DLGAP2: variants seen among roughly 807,000 people sequenced by gnomAD.
DLGAP2 encodes DLG associated protein 2.
In DLGAP2, 26 loss-of-function variants were observed where a neutral mutation model predicts 100.3. The observed-to-expected ratio is 0.26, with a 90% CI of 0.19 to 0.36. The LOEUF (loss-of-function observed/expected upper bound fraction) is 0.36, where lower values mean the gene tolerates loss of function less well. DLGAP2 is among the 10% of genes least tolerant of loss of function. The pLI is 1.00. For missense variants in DLGAP2, 1,858 were observed against 1,453.2 expected (o/e 1.28, Z -4.53); for synonymous variants, 886 against 630.1 (o/e 1.41, Z -6.08).
At chr8:1,597,653 G>C (rs1796501788) in intron 6 of DLGAP2, among the ~76,000 whole-genome samples, 1 of 152,122 alleles carries the variant, frequency 6.6e-6, no homozygotes, top group Non-Finnish European at 1.5e-5. Context: ...GTTCACTCAT[G>C]ATTTGGCTCT....
intron 2 of DLGAP2, among the ~76,000 whole-genome samples, chr8:1,229,250 A>G (rs563086252): frequency 4.6e-5 from 7 of 152,238 alleles, no homozygotes; most frequent in African/African-American, 1.7e-4. Flanking sequence ...TTTCATAGAA[A>G]GAGGAGTTCT....
intron 3 of DLGAP2, among the ~76,000 whole-genome samples, chr8:1,389,164 A>G (rs1334389987): frequency 6.6e-6 from 1 of 152,138 alleles, no homozygotes; most frequent in Non-Finnish European, 1.5e-5. Flanking sequence ...GTGGAAGTGC[A>G]GGGCCTCTTC....
chr8:1,318,778 G>GCCCCCCCCCCCCCC (rs34614425), intron 3 of DLGAP2, among the ~76,000 whole-genome samples: 2 of 105,614 alleles, frequency 1.9e-5, no homozygotes, highest in Non-Finnish European at 3.7e-5. Context: ...TCAGTGATCA[G>GCCCCCCCCCCCCCC]CCCCCCCCCC....
At chr8:1,360,515 T>G (rs965040869) in intron 3 of DLGAP2, among the ~76,000 whole-genome samples, 21 of 152,232 alleles carry the variant, frequency 1.4e-4, no homozygotes, top group East Asian at 3.9e-4. Flanking sequence ...GGGTTGGTTG[T>G]TTGCCCTCGA....
chr8:1,538,862 G>C (rs184978141), intron 4 of DLGAP2, among the ~76,000 whole-genome samples: 1 of 149,850 alleles, frequency 6.7e-6, no homozygotes, highest in Admixed American at 6.7e-5. Context: ...ACAGCCCCTC[G>C]TGTCATGACA....
intron 1 of DLGAP2, among the ~76,000 whole-genome samples, chr8:906,643 A>G (rs1798386605): frequency 6.6e-6 from 1 of 152,082 alleles, no homozygotes; most frequent in South Asian, 2.1e-4. Context: ...AAAAATACCG[A>G]CAGCTTCCAC....
At chr8:1,218,860 C>G (rs2116806694) in intron 2 of DLGAP2, among the ~76,000 whole-genome samples, 1 of 152,112 alleles carries the variant, frequency 6.6e-6, no homozygotes, top group Non-Finnish European at 1.5e-5. Flanking sequence ...TAGCTGTATT[C>G]CTAGGAATTT....
At chr8:1,645,623 A>C (rs1273359340) in intron 8 of DLGAP2, among the ~76,000 whole-genome samples, 1 of 152,250 alleles carries the variant, frequency 6.6e-6, no homozygotes, top group East Asian at 1.9e-4. Flanking sequence ...ATGAAGTCCT[A>C]TAGATACATT....
At chr8:1,344,314 A>T (rs968057873) in intron 3 of DLGAP2, among the ~76,000 whole-genome samples, 28 of 152,250 alleles carry the variant, frequency 1.8e-4, no homozygotes, top group African/African-American at 6.5e-4. Context: ...TGCAGACAAC[A>T]GCCTTCAGGG....
chr8:1,150,464 C>G (rs987809037), intron 2 of DLGAP2, among the ~76,000 whole-genome samples: 3 of 152,218 alleles, frequency 2.0e-5, no homozygotes, highest in African/African-American at 4.8e-5. Flanking sequence ...CTGTGTAGAG[C>G]TGAAGGCTGA....
chr8:1,641,952 A>C (rs961404360), intron 8 of DLGAP2, among the ~76,000 whole-genome samples: 2 of 98,966 alleles, frequency 2.0e-5, no homozygotes, highest in African/African-American at 5.7e-5. Context: ...GCCGGTCCTC[A>C]CCTGTGTCAC....
chr8:1,523,398 C>T (rs970894386), intron 4 of DLGAP2, among the ~76,000 whole-genome samples: 3 of 152,196 alleles, frequency 2.0e-5, no homozygotes, highest in African/African-American at 7.2e-5. Flanking sequence ...GGCCTCACGC[C>T]GGCCGAGCCA....
Position 854,647 on chromosome 8 carries a change from ATG to A in DLGAP2, c.19-53261_19-53260del, listed in dbSNP as rs574475748. Among the ~76,000 whole-genome samples the A allele has an allele frequency of 1.3e-4, 20 of 152,226 alleles. No individual in the cohort carries two copies. In the East Asian group the frequency reaches 3.7e-3, roughly 28 times the overall value. On this transcript the variant is annotated intron_variant, in intron 1 of 14. Coordinates refer to ENST00000637795, the MANE Select transcript of DLGAP2 (RefSeq NM_001346810.2). ...CATGTACGTGTCTTTTTGTGTGTGCATGTGTCTGTGTGTGTTCACATGTGTGT... is the reference window on the plus strand; with the variant it reads ...CATGTACGTGTCTTTTTGTGTGTGCATGTCTGTGTGTGTTCACATGTGTGT...
intron 8 of DLGAP2, among the ~76,000 whole-genome samples, chr8:1,654,771 A>G (rs1291758496): frequency 6.6e-6 from 1 of 151,706 alleles, no homozygotes; most frequent in African/African-American, 2.4e-5. Context: ...GTGTGTGTTG[A>G]TGTCAAATCA....
chr8:1,607,680 C>A (rs1453842572), intron 6 of DLGAP2, among the ~76,000 whole-genome samples: 1 of 152,048 alleles, frequency 6.6e-6, no homozygotes, highest in Non-Finnish European at 1.5e-5. Context: ...CCAGTGGGTG[C>A]GCGCACCGGG....
At chr8:1,424,924 G>A (rs1297425948) in intron 3 of DLGAP2, among the ~76,000 whole-genome samples, 4 of 152,218 alleles carry the variant, frequency 2.6e-5, no homozygotes, top group African/African-American at 9.6e-5. Flanking sequence ...AGTTTGGGAA[G>A]ATCGAGAAGT....
chr8:1,095,066 C>A (rs1287936201), intron 2 of DLGAP2, among the ~76,000 whole-genome samples: 1 of 141,192 alleles, frequency 7.1e-6, no homozygotes, highest in Non-Finnish European at 1.5e-5. Context: ...GCGTGGACCA[C>A]CTTCCCAGGG....
intron 3 of DLGAP2, among the ~76,000 whole-genome samples, chr8:1,416,029 G>A (rs148501380): frequency 0.012 from 1,805 of 152,306 alleles, 45 homozygotes; most frequent in African/African-American, 0.04. Context: ...CCAATGGGAA[G>A]CAGGTGGAAA....
intron 2 of DLGAP2, among the ~76,000 whole-genome samples, chr8:1,048,173 T>C (rs549756839): frequency 3.3e-5 from 5 of 152,142 alleles, no homozygotes; most frequent in Non-Finnish European, 7.4e-5. Flanking sequence ...TGGATAGAAC[T>C]GGCCTGCAGT....
Sources: allele counts gnomAD v4.1 joint callset (sites outside exome capture counted in the v4.1 genomes callset), GRCh38; gene constraint gnomAD v4.1.1; transcripts MANE v1.5; gene names NCBI Gene and HGNC (gene_info 2026-07-23, HGNC 2026-07-21).